FKBP5: variants seen among roughly 807,000 people sequenced by gnomAD.
The protein encoded by FKBP5 is FKBP prolyl isomerase 5.
Under a neutral mutation model 50.5 loss-of-function variants are expected in FKBP5, and 23 were observed. That is an observed-to-expected ratio of 0.46 (90% CI 0.33 to 0.65). The LOEUF is 0.65. Among genes scored for constraint, FKBP5 ranks in the 30% least tolerant of loss-of-function variants. The pLI is 0.02. For synonymous variants in FKBP5, 176 were observed against 190.6 expected (o/e 0.92, Z 0.63); for missense variants, 411 against 553.1 (o/e 0.74, Z 2.58).
chr6:35,707,441 G>A (rs1161730041), intron 2 of FKBP5, among the ~76,000 whole-genome samples: 3 of 151,284 alleles, frequency 2.0e-5, no homozygotes, highest in Admixed American at 6.6e-5. Flanking sequence ...GGCTGGTCTC[G>A]AACTCCTGAC....
At chr6:35,709,342 A>G (rs1461571824) in intron 2 of FKBP5, among the ~76,000 whole-genome samples, 1 of 152,210 alleles carries the variant, frequency 6.6e-6, no homozygotes, top group Non-Finnish European at 1.5e-5. Context: ...TATCACATAT[A>G]ATGATGTGGA....
intron 7 of FKBP5, among the ~76,000 whole-genome samples, chr6:35,590,711 C>T (rs531306787): frequency 3.7e-4 from 56 of 152,080 alleles, no homozygotes; most frequent in African/African-American, 1.4e-3. Flanking sequence ...CAGGCCTCTT[C>T]GTGACTCCTG....
chr6:35,645,724 G>T lies in FKBP5; in HGVS notation c.-19-2881C>A, dbSNP rs150736464. Reference sequence around the variant, plus strand: ...TTAGGGGTGAGGTGTCATGATATCTGCCACTTGCTTTCAAATCATCCAAAG... The same window carrying T: ...TTAGGGGTGAGGTGTCATGATATCTTCCACTTGCTTTCAAATCATCCAAAG... On this transcript the variant is annotated intron_variant, in intron 1 of 10. Transcript: ENST00000357266. Among the ~76,000 whole-genome samples, 8 of 152,320 alleles carry T rather than the reference G, an allele frequency of 5.3e-5. 1 individual carries two copies. In the East Asian group the frequency reaches 1.5e-3, roughly 29 times the overall value.
chr6:35,708,094 CT>C (rs1766354539), intron 2 of FKBP5, among the ~76,000 whole-genome samples: 1 of 152,164 alleles, frequency 6.6e-6, no homozygotes, highest in Non-Finnish European at 1.5e-5. Flanking sequence ...AGTCTTTGAC[CT>C]GATAATTCCA....
intron 1 of FKBP5, among the ~76,000 whole-genome samples, chr6:35,666,385 TATTATA>T (rs1452054131): frequency 4.4e-5 from 1 of 22,912 alleles, no homozygotes; most frequent in African/African-American, 1.3e-4. Context: ...GAAACACTAC[TATTATA>T]GTTAAAAAAA....
At chr6:35,634,270 TA>T in intron 3 of FKBP5, among the ~76,000 whole-genome samples, 1 of 152,260 alleles carries the variant, frequency 6.6e-6, no homozygotes, top group African/African-American at 2.4e-5. Context: ...GTCACCTAAA[TA>T]ATGATGCCAC....
At chr6:35,641,162 T>G (rs1257891301) in intron 2 of FKBP5, among the ~76,000 whole-genome samples, 1 of 152,126 alleles carries the variant, frequency 6.6e-6, no homozygotes, top group African/African-American at 2.4e-5. Context: ...TAATTTTTTT[T>G]CTACAGATAG....
At chr6:35,627,282 T>A (rs1017568686) in intron 3 of FKBP5, among the ~76,000 whole-genome samples, 1 of 152,200 alleles carries the variant, frequency 6.6e-6, no homozygotes, top group African/African-American at 2.4e-5. Flanking sequence ...ATATCTTCTT[T>A]GGAGAAATTT....
intron 2 of FKBP5, among the ~76,000 whole-genome samples, chr6:35,718,140 T>C (rs980802460): frequency 9.7e-4 from 148 of 152,104 alleles, no homozygotes; most frequent in African/African-American, 3.5e-3. Flanking sequence ...GGGGGCGGCA[T>C]TTGAATTAGG....
chr6:35,615,806 G>T (rs1326463696), intron 5 of FKBP5, among the ~76,000 whole-genome samples: 1 of 152,156 alleles, frequency 6.6e-6, no homozygotes, highest in African/African-American at 2.4e-5. Flanking sequence ...AGGGAAAATA[G>T]TAACGTTGCA....
Position 35,586,924 on chromosome 6 carries a change from A to G in FKBP5, c.840+110T>C, listed in dbSNP as rs1762618195. ...GACAGATTTATAAAAATTGCAGCTT[A>G]TTCTTACCAAGCAGTGTTGACAAAA... is the stretch of plus-strand genomic sequence containing the variant. On this transcript the variant is annotated intron_variant, in intron 8 of 10. Coordinates refer to ENST00000357266, the MANE Select transcript of FKBP5 (RefSeq NM_004117.4). 1.9e-6 allele frequency: 3 copies of G among 1,564,592 alleles called. No homozygotes were observed. The Middle Eastern group carries it at 5.1e-4, about 268-fold the overall frequency.
intron 6 of FKBP5, 89 bp downstream of exon 6, chr6:35,597,159 C>T: frequency 6.9e-7 from 1 of 1,453,142 alleles, no homozygotes; most frequent in Non-Finnish European, 9.5e-7. Context: ...ATTAACTTCA[C>T]TGAAAATGCC....
At chr6:35,638,591 T>A (rs1764387700) in intron 2 of FKBP5, among the ~76,000 whole-genome samples, 1 of 152,032 alleles carries the variant, frequency 6.6e-6, no homozygotes, top group South Asian at 2.1e-4. Flanking sequence ...CAAATTTTTT[T>A]ATTTTTAGTA....
intron 2 of FKBP5, 124 bp from the exon 3 acceptor site, chr6:35,637,282 T>C (rs1265274658): frequency 3.9e-6 from 3 of 773,570 alleles, no homozygotes; most frequent in Non-Finnish European, 6.2e-6. Context: ...TTATCCATTC[T>C]TTCTAATGCC....
At chr6:35,721,580 C>A (rs541268242) in intron 1 of FKBP5, among the ~76,000 whole-genome samples, 1 of 152,062 alleles carries the variant, frequency 6.6e-6, no homozygotes, top group Non-Finnish European at 1.5e-5. Context: ...CTCAGCCTCC[C>A]GAGCAGCTGG....
rs547255756 is a variant in FKBP5, at chr6:35,724,539, T to G, written c.-241+3969A>C. ...TCTGAGGCTTGAGAAATGGAGAATT[T>G]GCATTTTAGTTACATAATCTGAGCA... On this transcript the variant is annotated intron_variant, in intron 1 of 11. Transcript: ENST00000536438. 1.3e-4 allele frequency among the ~76,000 whole-genome samples: 20 copies of G among 152,272 alleles called. No individual in the cohort carries two copies. The South Asian group carries it at 4.2e-3, about 32-fold the overall frequency.
chr6:35,665,109 A>G (rs983950987), intron 1 of FKBP5, among the ~76,000 whole-genome samples: 3 of 152,108 alleles, frequency 2.0e-5, no homozygotes, highest in Non-Finnish European at 2.9e-5. Flanking sequence ...CTACCTCCAG[A>G]CGGCTCACTC....
At chr6:35,584,600 G>A in intron 8 of FKBP5, 1 of 985,424 alleles carries the variant, frequency 1.0e-6, no homozygotes, top group Non-Finnish European at 1.2e-6. Context: ...CCATTTTGAA[G>A]TTTTACAGCT....
intron 1 of FKBP5, among the ~76,000 whole-genome samples, chr6:35,648,094 G>A (rs1037299348): frequency 6.6e-6 from 1 of 151,482 alleles, no homozygotes; most frequent in African/African-American, 2.4e-5. Context: ...AGCCCAGAGA[G>A]TCTGGATTTA....
Sources: allele counts gnomAD v4.1 joint callset (sites outside exome capture counted in the v4.1 genomes callset), GRCh38; gene constraint gnomAD v4.1.1; transcripts MANE v1.5; gene names NCBI Gene and HGNC (gene_info 2026-07-23, HGNC 2026-07-21).